Variants in MKKS observed in about 807,000 individuals in gnomAD.
MKKS encodes molecular chaperone MKKS.
MKKS carries 29 observed loss-of-function variants against 33.2 expected under a neutral mutation model. The observed-to-expected ratio is 0.87, with a 90% CI of 0.65 to 1.19. The LOEUF (loss-of-function observed/expected upper bound fraction) is 1.19. Ranked by LOEUF, MKKS falls within the 50% of genes most tolerant of loss-of-function variation. MKKS has a pLI of 0.00. For synonymous variants in MKKS, 260 were observed against 244.0 expected, an observed-to-expected ratio of 1.07 and a Z score of -0.61; for missense variants, 661 against 662.3, an observed-to-expected ratio of 1.00 and a Z score of 0.02.
chr20:10,429,149 C>T (rs577733136), intron 1 of MKKS, among the ~76,000 whole-genome samples: 1 of 152,266 alleles, frequency 6.6e-6, no homozygotes, highest in East Asian at 1.9e-4. Flanking sequence ...CTTCCCATTC[C>T]ATCTTCAAAC....
Position 10,405,064 on chromosome 20 carries a change from T to C in MKKS, c.*183A>G. The C allele has an allele frequency of 1.9e-6, 1 of 518,568 alleles. No homozygotes were observed. The highest frequency in any genetic ancestry group is 3.4e-6 in the Non-Finnish European group (1 of 296,696). 32.1% of individuals were successfully genotyped at this position (518,568 alleles called of 1,614,324 possible). A position where few individuals can be genotyped will look rare whatever the true frequency, so the allele number is the denominator to read the frequency against. On this transcript the variant is annotated 3_prime_UTR_variant, in exon 6 of 6. Transcript: ENST00000347364. ...TAAATAATGCTTCATATTTTTATTG[T>C]TTCATGGCATTTCCATTCACGAATC...
rs762515036 is a variant in MKKS, at chr20:10,408,803, C to T, written c.986G>A (p.Gly329Glu). ...TLMEPLTKMT[G>E]TQPIGSLGSI... is the part of the protein sequence containing the mutation. ...GCCTAGGGATCCAATAGGCTGTGTT[C>T]CTATTTTTTAAAGATTAGAAAATAC... Residue 329 changes from glycine (G) to glutamate (E), a missense_variant and splice_region_variant, in exon 4 of 6, where the codon GGA (glycine) becomes GAA (glutamate). Coordinates refer to ENST00000347364, the MANE Select transcript of MKKS (RefSeq NM_170784.3). The T allele has an allele frequency of 1.2e-6, 2 of 1,609,722 alleles. No individual in the cohort carries two copies. The highest frequency in any genetic ancestry group is 4.5e-5 in the East Asian group (2 of 44,822).
chr20:10,413,280 C>T lies in MKKS; in HGVS notation c.235G>A (p.Ala79Thr), dbSNP rs750058438. The T allele has an allele frequency of 5.6e-6, 9 of 1,614,098 alleles. No homozygotes were observed. The highest frequency in any genetic ancestry group is 6.8e-6 in the Non-Finnish European group (8 of 1,180,044). ...VTHPILKILT[A>T]SIQNHVSSFS... ...CTTGACACATGATTCTGTATGGAGG[C>T]TGTCAGGATCTTTAAAATGGGATGT... is the stretch of plus-strand genomic sequence containing the variant. Residue 79 changes from alanine (A) to threonine (T), a missense_variant, in exon 3 of 6, where the codon GCC (alanine) becomes ACC (threonine). By Grantham distance (58) the Ala-to-Thr change is moderately conservative (BLOSUM62 0). Coordinates refer to ENST00000347364, the MANE Select transcript of MKKS (RefSeq NM_170784.3).
In MKKS at chr20:10,413,341, T is replaced by G; in HGVS notation, c.174A>C (p.Ser58=). 3 of 1,614,178 alleles carry G rather than the reference T, an allele frequency of 1.9e-6. No homozygotes were observed. Among genetic ancestry groups the G allele is most frequent in the East Asian group, 4.5e-5 (2 of 44,886 alleles). ...GGTGACTGAGCAGAGCTGAGGACTG[T>G]GAGGTTGTACACACGTAACCTCCAA... ...NGFGGYVCTT[S]QSSALLSHLL... is the part of the protein sequence containing the mutation. Residue 58 remains serine (S), a synonymous_variant, in exon 3 of 6, where the codon TCA becomes TCC. Coordinates refer to ENST00000347364, the MANE Select transcript of MKKS (RefSeq NM_170784.3).
chr20:10,407,529 T>C, intron 5 of MKKS, 87 bp downstream of exon 5: 2 of 1,106,818 alleles, frequency 1.8e-6, no homozygotes, highest in Non-Finnish European at 2.7e-6. Flanking sequence ...ACAAAAAGAC[T>C]ATAGGATATT....
chr20:10,417,977 C>T (rs985499999), intron 2 of MKKS, among the ~76,000 whole-genome samples: 2 of 152,160 alleles, frequency 1.3e-5, no homozygotes, highest in East Asian at 1.9e-4. Flanking sequence ...AAATGCAATA[C>T]GTAGACCTTG....
At chr20:10,416,156 T>TTGC (rs1269438614) in intron 2 of MKKS, among the ~76,000 whole-genome samples, 1 of 111,808 alleles carries the variant, frequency 8.9e-6, no homozygotes, top group Non-Finnish European at 1.8e-5. Flanking sequence ...AGATGGGTTT[T>TTGC]TGTTGTTGTT....
intron 2 of MKKS, among the ~76,000 whole-genome samples, chr20:10,416,227 G>C (rs1438086861): frequency 6.6e-6 from 1 of 152,132 alleles, no homozygotes; most frequent in Non-Finnish European, 1.5e-5. Context: ...TCTAAATTAA[G>C]AGGTGCACTA....
At chr20:10,432,642 A>G (rs1282311306) in intron 1 of MKKS, among the ~76,000 whole-genome samples, 1 of 152,042 alleles carries the variant, frequency 6.6e-6, no homozygotes. Context: ...AAAAATACAA[A>G]AATTAGCCAG....
At chr20:10,430,040 AAAAAAC>A (rs1175852448) in intron 1 of MKKS, among the ~76,000 whole-genome samples, 5 of 151,946 alleles carry the variant, frequency 3.3e-5, no homozygotes, top group African/African-American at 1.2e-4. Flanking sequence ...ACAAAAAACA[AAAAAAC>A]AAAAACAAAA....
chr20:10,423,458 A>G (rs2064994997), intron 1 of MKKS, among the ~76,000 whole-genome samples: 1 of 152,196 alleles, frequency 6.6e-6, no homozygotes, highest in Admixed American at 6.5e-5. Flanking sequence ...ACTGGATAGG[A>G]TAAAAGGATG....
chr20:10,413,122 GAGATA>G lies in MKKS; in HGVS notation c.388_392del (p.Tyr130GlnfsTer3), dbSNP rs2064906824. On this transcript the variant is annotated frameshift_variant, in exon 3 of 6. Coordinates refer to ENST00000347364, the MANE Select transcript of MKKS (RefSeq NM_170784.3). LOFTEE classifies it high-confidence loss of function. Reference sequence around the variant, plus strand: ...TTCGACAACCACAGGTCTCAGACTTGAGATAACTGATGCAAAGACTCAAAAGATGT... The same window carrying G: ...TTCGACAACCACAGGTCTCAGACTTGACTGATGCAAAGACTCAAAAGATGT... The G allele has an allele frequency of 6.2e-7, 1 of 1,613,924 alleles. No individual in the cohort carries two copies. The highest frequency in any genetic ancestry group is 1.7e-5 in the Admixed American group (1 of 60,002).
intron 1 of MKKS, among the ~76,000 whole-genome samples, chr20:10,432,503 G>C (rs1056154203): frequency 1.3e-5 from 2 of 152,136 alleles, no homozygotes; most frequent in Non-Finnish European, 2.9e-5. Context: ...TTTAAAAATT[G>C]TGTAGTAGGC....
chr20:10,413,103 A>C lies in MKKS; in HGVS notation c.412T>G (p.Cys138Gly). 1 of 1,614,080 alleles carries C rather than the reference A, an allele frequency of 6.2e-7. No individual in the cohort carries two copies. Among genetic ancestry groups the C allele is most frequent in the South Asian group, 1.1e-5 (1 of 91,082 alleles). The stretch of plus-strand genomic sequence containing the variant: ...CTACTAAAGTCCACTGGGATTCGAC[A>C]ACCACAGGTCTCAGACTTGAGATAA... The part of the protein sequence containing the change: ...ISYLKSETCG[C>G]RIPVDFSSTQ... Residue 138 changes from cysteine (C) to glycine (G), a missense_variant, in exon 3 of 6, where the codon TGT (cysteine) becomes GGT (glycine). Coordinates refer to ENST00000347364, the MANE Select transcript of MKKS (RefSeq NM_170784.3).
rs372040281 is a variant in MKKS, at chr20:10,417,480, G to A, written c.-418+3048C>T. ...TTAGAACTTAGCCAGGTGTGGTGGC[G>A]GATGCCTATAGTCCCAGCTACTTGG... On this transcript the variant is annotated intron_variant, in intron 2 of 5. Coordinates refer to ENST00000347364, the MANE Select transcript of MKKS (RefSeq NM_170784.3). Among the ~76,000 whole-genome samples the A allele has an allele frequency of 1.9e-3, 288 of 152,224 alleles. 7 individuals are homozygous for A. The South Asian group carries it at 0.046, about 24-fold the overall frequency.
Position 10,405,412 on chromosome 20 carries a change from T to C in MKKS, c.1548A>G (p.Thr516=), listed in dbSNP as rs1473914652. ...AGCTTTGTGGCACAAATGGACGACG[T>C]GTGCTTCTTAAGAAAGACCAGTTGA... ...EELNWSFLRS[T]RRPFVPQSCL... is the part of the protein sequence containing the mutation. The change falls in exon 6 of 6, where the codon ACA becomes ACG. Residue 516 remains threonine, a synonymous_variant. Transcript: ENST00000347364. 3 of 1,614,096 alleles carry C rather than the reference T, an allele frequency of 1.9e-6. No homozygotes were observed. The Admixed American group carries it at 5.0e-5, about 27-fold the overall frequency.
chr20:10,420,710 A>G lies in MKKS; in HGVS notation c.-600T>C, dbSNP rs1190921344. ...GGGACCATAACAACCAAAACTTTGTAGTCTCTCCACAAGTTCCGAAGGCTC... is the reference window on the plus strand; with the variant it reads ...GGGACCATAACAACCAAAACTTTGTGGTCTCTCCACAAGTTCCGAAGGCTC... On this transcript the variant is annotated 5_prime_UTR_variant, in exon 2 of 6. Coordinates refer to ENST00000347364, the MANE Select transcript of MKKS (RefSeq NM_170784.3). 1.3e-5 allele frequency: 2 copies of G among 152,154 alleles called. No homozygotes were observed. Among genetic ancestry groups the G allele is most frequent in the African/African-American group, 4.8e-5 (2 of 41,414 alleles). 9.4% of individuals were successfully genotyped at this position (152,154 alleles called of 1,614,324 possible). A position where few individuals can be genotyped will look rare whatever the true frequency, so the allele number is the denominator to read the frequency against.
Position 10,405,099 on chromosome 20 carries a change from C to T in MKKS, c.*148G>A, listed in dbSNP as rs2064831654. 2 of 577,090 alleles carry T rather than the reference C, an allele frequency of 3.5e-6. No homozygotes were observed. Among genetic ancestry groups the T allele is most frequent in the East Asian group, 2.9e-5 (1 of 34,486 alleles). 35.7% of individuals were successfully genotyped at this position (577,090 alleles called of 1,614,324 possible). A position where few individuals can be genotyped will look rare whatever the true frequency, so the allele number is the denominator to read the frequency against. On this transcript the variant is annotated 3_prime_UTR_variant, in exon 6 of 6. Transcript: ENST00000347364. ...TTTCCATTCACGAATCACCTTTTTT[C>T]CTAAATAAGTGTATCTATAATTTTA...
In MKKS at chr20:10,412,805, G is replaced by A; in HGVS notation, c.710C>T (p.Thr237Ile). Residue 237 changes from threonine (T) to isoleucine (I), a missense_variant, in exon 3 of 6, where the codon ACT (threonine) becomes ATT (isoleucine). By Grantham distance (89) the Thr-to-Ile change is moderately conservative. Transcript: ENST00000347364. ...LMRLLPIKKSTALKVALFCTT... is the reference protein window; with the variant it reads ...LMRLLPIKKSIALKVALFCTT... ...ACAAAAGAGTGCCACCTTGAGGGCA[G>A]TTGATTTTTTGATAGGTAATAGCCT... 1 of 1,614,208 alleles carries A rather than the reference G, an allele frequency of 6.2e-7. No individual in the cohort carries two copies. Among genetic ancestry groups the A allele is most frequent in the Non-Finnish European group, 8.5e-7 (1 of 1,180,046 alleles).
Sources: gnomAD v4.1 joint callset for allele counts (sites outside exome capture counted in the v4.1 genomes callset) on GRCh38, gnomAD v4.1.1 for gene constraint, MANE v1.5 for transcripts, NCBI Gene and HGNC (gene_info 2026-07-23, HGNC 2026-07-21) for gene names.